Variants in DOCK3 observed in about 807,000 individuals in gnomAD.
DOCK3 encodes the protein dedicator of cytokinesis protein 3.
DOCK3 carries 60 observed loss-of-function variants against 265.6 expected under a neutral mutation model. The ratio of observed to expected loss-of-function variants is 0.23; its 90% confidence interval spans 0.18 to 0.28. The LOEUF (loss-of-function observed/expected upper bound fraction) is 0.28, where lower values mean the gene tolerates loss of function less well. DOCK3 is among the 10% of genes least tolerant of loss of function. The probability of loss-of-function intolerance (pLI) is 1.00; values close to 1 mark genes in which losing one functional copy is unlikely to be tolerated. For synonymous variants in DOCK3, 881 were observed against 938.0 expected, an observed-to-expected ratio of 0.94 and a Z score of 1.11; for missense variants, 1,981 against 2,594.3, an observed-to-expected ratio of 0.76 and a Z score of 5.14.
chr3:50,877,469 A>T (rs968123504), intron 3 of DOCK3: 1 of 520,034 alleles, frequency 1.9e-6, no homozygotes, highest in African/African-American at 1.9e-5. Context: ...GAGCCAAATC[A>T]GAATTTATTT....
chr3:50,915,535 C>G (rs2050072980), intron 4 of DOCK3, among the ~76,000 whole-genome samples: 1 of 152,020 alleles, frequency 6.6e-6, no homozygotes, highest in East Asian at 1.9e-4. Context: ...GTTCAGACAC[C>G]ATTCTGTTTC....
chr3:51,124,153 T>C (rs1576161509), intron 9 of DOCK3, among the ~76,000 whole-genome samples: 1 of 152,194 alleles, frequency 6.6e-6, no homozygotes, highest in Non-Finnish European at 1.5e-5. Context: ...GAACCGCACC[T>C]GTGTATCCTC....
chr3:50,935,444 C>T (rs1332032266), intron 5 of DOCK3, among the ~76,000 whole-genome samples: 1 of 152,106 alleles, frequency 6.6e-6, no homozygotes, highest in Non-Finnish European at 1.5e-5. Context: ...CTTTCACCCC[C>T]TACCCTATAG....
chr3:51,204,081 T>A (rs1303177095), intron 12 of DOCK3, among the ~76,000 whole-genome samples: 55 of 144,784 alleles, frequency 3.8e-4, no homozygotes, highest in African/African-American at 4.3e-4. Flanking sequence ...AACCTAGGCA[T>A]TACCATTCAG....
intron 26 of DOCK3, among the ~76,000 whole-genome samples, chr3:51,279,599 A>G (rs1441185495): frequency 6.6e-6 from 1 of 152,184 alleles, no homozygotes; most frequent in African/African-American, 2.4e-5. Context: ...TCTGCCTTTC[A>G]GACAGGCATA....
At chr3:51,149,063 C>G (rs1204756091) in intron 10 of DOCK3, among the ~76,000 whole-genome samples, 2 of 152,104 alleles carry the variant, frequency 1.3e-5, no homozygotes, top group African/African-American at 2.4e-5. Context: ...CTTCACATCC[C>G]TTGTAAGTTG....
intron 2 of DOCK3, among the ~76,000 whole-genome samples, chr3:50,803,757 C>A (rs1301042060): frequency 6.6e-6 from 1 of 151,596 alleles, no homozygotes; most frequent in African/African-American, 2.4e-5. Context: ...TGCCCCCCAC[C>A]TCCCTCCTGG....
chr3:51,277,479 G>T, intron 25 of DOCK3, 129 bp from the exon 26 acceptor site: 1 of 1,239,256 alleles, frequency 8.1e-7, no homozygotes, highest in Non-Finnish European at 1.1e-6. Context: ...ACTGCATGTT[G>T]GTGAGACTGA....
Position 51,381,657 on chromosome 3 carries a change from G to A in DOCK3, c.*98G>A. Reference sequence around the variant, plus strand: ...CCCCCAGCCCCACCCCAGGGAGCCAGAGAGGCTTGCACTCAGGAGAGAACC... The same window carrying A: ...CCCCCAGCCCCACCCCAGGGAGCCAAAGAGGCTTGCACTCAGGAGAGAACC... On this transcript the variant is annotated 3_prime_UTR_variant, in exon 53 of 53. Transcript: ENST00000266037. This position sits in a 1 kb window ranked among gnomAD's most constrained non-coding sequence, Gnocchi z 5.6. The A allele has an allele frequency of 1.4e-6, 2 of 1,423,992 alleles. No homozygotes were observed. The highest frequency in any genetic ancestry group is 1.8e-6 in the Non-Finnish European group (2 of 1,090,262). 88.2% of individuals were successfully genotyped at this position (1,423,992 alleles called of 1,614,324 possible). A position where few individuals can be genotyped will look rare whatever the true frequency, so the allele number is the denominator to read the frequency against.
At chr3:51,140,474 A>G (rs187962625) in intron 9 of DOCK3, among the ~76,000 whole-genome samples, 1 of 152,308 alleles carries the variant, frequency 6.6e-6, no homozygotes, top group East Asian at 1.9e-4. Context: ...TTATTTGGCT[A>G]TATCTACCAC....
At chr3:51,220,685 A>ATGTGTGTGTGTG (rs1188634968) in intron 14 of DOCK3, among the ~76,000 whole-genome samples, 2 of 38,974 alleles carry the variant, frequency 5.1e-5, no homozygotes, top group Admixed American at 2.7e-4. Context: ...ATATATATAT[A>ATGTGTGTGTGTG]TATGTGTGTG....
At chr3:50,973,127 T>G (rs1258112983) in intron 5 of DOCK3, among the ~76,000 whole-genome samples, 2 of 139,510 alleles carry the variant, frequency 1.4e-5, no homozygotes, top group Non-Finnish European at 3.1e-5. Context: ...TTTTTTGTAG[T>G]TTTCTTTTTT....
intron 1 of DOCK3, among the ~76,000 whole-genome samples, chr3:50,713,938 A>G (rs2036936348): frequency 6.6e-6 from 1 of 152,046 alleles, no homozygotes; most frequent in Non-Finnish European, 1.5e-5. Flanking sequence ...TTATACCATT[A>G]TCTCTTTTTG....
intron 15 of DOCK3, among the ~76,000 whole-genome samples, chr3:51,226,882 C>T (rs1289765868): frequency 1.3e-5 from 2 of 152,194 alleles, no homozygotes; most frequent in Admixed American, 1.3e-4. Context: ...AGAAAACAGG[C>T]TGTCTCCACT....
At position 50,838,272 on chromosome 3, in the gene DOCK3, C is replaced by G. The variant is rs573465524; in HGVS notation, c.122-3403C>G. On this transcript the variant is annotated intron_variant, in intron 2 of 52. Coordinates refer to ENST00000266037, the MANE Select transcript of DOCK3 (RefSeq NM_004947.5). ...AGAACTTTTGGAGGCAATACAACAG[C>G]ATTTTATAGAATTCAGTTATATTTT... 6.6e-4 allele frequency among the ~76,000 whole-genome samples: 100 copies of G among 152,202 alleles called. 2 individuals carry two copies. In the Middle Eastern group the frequency reaches 0.01, roughly 16 times the overall value.
chr3:50,949,101 A>AC, intron 5 of DOCK3, among the ~76,000 whole-genome samples: 1 of 152,208 alleles, frequency 6.6e-6, no homozygotes, highest in Non-Finnish European at 1.5e-5. Flanking sequence ...GGATTCCCTA[A>AC]CCTTAGGATA....
At chr3:50,916,678 G>A (rs1268787812) in intron 4 of DOCK3, among the ~76,000 whole-genome samples, 1 of 151,630 alleles carries the variant, frequency 6.6e-6, no homozygotes, top group Admixed American at 6.6e-5. Context: ...GTGTGGTGGC[G>A]GGCACCTGTA....
chr3:51,021,655 A>C (rs1162700121), intron 5 of DOCK3, among the ~76,000 whole-genome samples: 2 of 84,818 alleles, frequency 2.4e-5, no homozygotes, highest in Non-Finnish European at 2.2e-5. Flanking sequence ...TTTCTGGGAG[A>C]ACTTCCTTTT....
At chr3:50,845,139 C>T (rs1559714783) in intron 3 of DOCK3, among the ~76,000 whole-genome samples, 10 of 152,016 alleles carry the variant, frequency 6.6e-5, no homozygotes. Context: ...AGGAGAATCG[C>T]TTGAACTCGG....
Sources: gnomAD v4.1 joint callset for allele counts (sites outside exome capture counted in the v4.1 genomes callset) on GRCh38, gnomAD v4.1.1 for gene constraint, Gnocchi (gnomAD v3.1) non-coding constraint, MANE v1.5 for transcripts, NCBI Gene and HGNC (gene_info 2026-07-23, HGNC 2026-07-21) for gene names.